COP1: variants seen among roughly 807,000 people sequenced by gnomAD.
COP1 encodes the protein E3 ubiquitin-protein ligase COP1.
COP1 carries 24 observed loss-of-function variants against 101.3 expected under a neutral mutation model. The ratio of observed to expected loss-of-function variants is 0.24; its 90% confidence interval spans 0.17 to 0.33. The LOEUF is 0.33. COP1 is among the 10% of genes least tolerant of loss of function. The pLI is 1.00. For missense variants in COP1, 663 were observed against 906.2 expected, an observed-to-expected ratio of 0.73 and a Z score of 3.45; for synonymous variants, 347 against 341.9, an observed-to-expected ratio of 1.01 and a Z score of -0.17.
At chr1:176,110,457 T>C (rs1685090078) in intron 9 of COP1, among the ~76,000 whole-genome samples, 1 of 152,168 alleles carries the variant, frequency 6.6e-6, no homozygotes, top group African/African-American at 2.4e-5. Flanking sequence ...CCTAGGAAGT[T>C]TTCCCAGGGA....
chr1:176,080,030 A>G (rs1388108887), intron 11 of COP1, among the ~76,000 whole-genome samples: 2 of 152,158 alleles, frequency 1.3e-5, no homozygotes, highest in East Asian at 3.8e-4. Flanking sequence ...ATAACTGGAA[A>G]AATCCCAATA....
intron 15 of COP1, among the ~76,000 whole-genome samples, chr1:175,991,055 G>C (rs1658311459): frequency 6.6e-6 from 1 of 151,972 alleles, no homozygotes; most frequent in Non-Finnish European, 1.5e-5. Flanking sequence ...TTCAATCAAA[G>C]CTCCAAATGC....
intron 2 of COP1, among the ~76,000 whole-genome samples, chr1:176,179,269 G>A (rs1229464687): frequency 4.7e-5 from 7 of 147,550 alleles, no homozygotes; most frequent in African/African-American, 1.0e-4. Context: ...CAGCCTGGGC[G>A]ACAAAGTGAG....
chr1:176,183,871 G>A (rs1055921849), intron 2 of COP1, among the ~76,000 whole-genome samples: 1 of 152,004 alleles, frequency 6.6e-6, no homozygotes, highest in African/African-American at 2.4e-5. Flanking sequence ...ACTTATTCGA[G>A]GTATCTAGAA....
intron 14 of COP1, among the ~76,000 whole-genome samples, chr1:176,029,493 A>T (rs947694357): frequency 2.0e-5 from 3 of 152,220 alleles, no homozygotes; most frequent in African/African-American, 7.2e-5. Context: ...TCAGTATATA[A>T]GTTGTCATCC....
chr1:175,960,153 A>G (rs1266009104), intron 18 of COP1, among the ~76,000 whole-genome samples: 3 of 152,206 alleles, frequency 2.0e-5, no homozygotes, highest in Non-Finnish European at 4.4e-5. Context: ...ATGGACCAGA[A>G]TTTATATACG....
At position 176,049,597 on chromosome 1, in the gene COP1, A is replaced by G. The variant is rs182656258; in HGVS notation, c.1278-3273T>C. On this transcript the variant is annotated intron_variant, in intron 11 of 19. Transcript: ENST00000367669. The stretch of plus-strand genomic sequence containing the variant: ...TCCCCCCCCTCAAACCACCTTTTTT[A>G]GTGGAAGAACTTCCACATCACTAAG... Among the ~76,000 whole-genome samples the G allele has an allele frequency of 4.7e-4, 71 of 152,228 alleles. 1 individual carries two copies. The East Asian group carries it at 0.012, about 25-fold the overall frequency.
intron 18 of COP1, among the ~76,000 whole-genome samples, chr1:175,965,616 T>C (rs1436108756): frequency 6.6e-6 from 1 of 151,114 alleles, no homozygotes; most frequent in Non-Finnish European, 1.5e-5. Flanking sequence ...TGAGATGGAG[T>C]CTCGCTCTGT....
chr1:176,134,260 G>C (rs1240252154), intron 8 of COP1, among the ~76,000 whole-genome samples: 3 of 151,992 alleles, frequency 2.0e-5, no homozygotes, highest in Admixed American at 1.3e-4. Context: ...ATCCTAAACA[G>C]AGAGTGGATT....
chr1:176,176,142 A>C, intron 2 of COP1, 135 bp from the exon 3 acceptor site: 3 of 551,066 alleles, frequency 5.4e-6, no homozygotes, highest in South Asian at 2.6e-5. Flanking sequence ...TTTTGCTTAT[A>C]TTTTTACATT....
chr1:176,065,731 G>A (rs557618689), intron 11 of COP1, among the ~76,000 whole-genome samples: 8 of 140,106 alleles, frequency 5.7e-5, no homozygotes, highest in African/African-American at 1.1e-4. Context: ...TTTTTCAGAC[G>A]GAGTCTTGCT....
chr1:175,949,127 C>G (rs1048460288), intron 18 of COP1, among the ~76,000 whole-genome samples: 7 of 133,162 alleles, frequency 5.3e-5, no homozygotes, highest in African/African-American at 2.0e-4. Flanking sequence ...TGCACCACTG[C>G]ACTCCAGCCT....
In COP1 at chr1:176,206,720, A is replaced by T; in HGVS notation, c.259T>A (p.Ser87Thr). 1 of 1,591,190 alleles carries T rather than the reference A, an allele frequency of 6.3e-7. No individual in the cohort carries two copies. The highest frequency in any genetic ancestry group is 2.3e-5 in the East Asian group (1 of 44,272). The change falls in exon 1 of 20, where the codon TCC (serine) becomes ACC (threonine). Residue 87 changes from serine (S) to threonine (T), a missense_variant. Around this residue, in one of 4 missense-constraint regions of COP1, gnomAD observed 204 missense variants for 203.6 expected, o/e 1.00. Coordinates refer to ENST00000367669, the MANE Select transcript of COP1 (RefSeq NM_022457.7). ...SGGGAVSTGL[S>T]RHSCAARPSA... is the part of the protein sequence containing the mutation. ...GGCCTGGCCGCGCAGCTGTGCCGGG[A>T]CAGGCCCGTGGACACCGCCCCGCCG...
intron 9 of COP1, among the ~76,000 whole-genome samples, chr1:176,105,446 A>G (rs556282813): frequency 7.2e-4 from 109 of 152,316 alleles, no homozygotes; most frequent in African/African-American, 2.6e-3. Flanking sequence ...GGAATTTCAA[A>G]GAAATATCTC....
intron 15 of COP1, among the ~76,000 whole-genome samples, chr1:175,990,712 C>T (rs1284715916): frequency 6.6e-6 from 1 of 151,984 alleles, no homozygotes; most frequent in Non-Finnish European, 1.5e-5. Flanking sequence ...GATTCTTTTA[C>T]CATTATAAAA....
chr1:176,024,991 C>A (rs917706268), intron 15 of COP1, among the ~76,000 whole-genome samples: 2 of 151,920 alleles, frequency 1.3e-5, no homozygotes, highest in African/African-American at 4.8e-5. Flanking sequence ...TTTAAAATTA[C>A]CAATTAAATA....
chr1:175,990,882 T>A (rs1415533458), intron 15 of COP1, among the ~76,000 whole-genome samples: 1 of 151,938 alleles, frequency 6.6e-6, no homozygotes, highest in East Asian at 1.9e-4. Context: ...CTATCTCTTG[T>A]AGACAGCATA....
At chr1:176,196,769 G>C (rs1699737192) in intron 1 of COP1, among the ~76,000 whole-genome samples, 1 of 152,200 alleles carries the variant, frequency 6.6e-6, no homozygotes, top group Non-Finnish European at 1.5e-5. Context: ...GCCAGGCACA[G>C]TGGTTCATGC....
At chr1:176,058,522 T>C (rs936012367) in intron 11 of COP1, among the ~76,000 whole-genome samples, 3 of 152,146 alleles carry the variant, frequency 2.0e-5, no homozygotes, top group Non-Finnish European at 4.4e-5. Context: ...TTAAGGGCGG[T>C]GCAAGATGTG....
Sources: allele counts gnomAD v4.1 joint callset (sites outside exome capture counted in the v4.1 genomes callset), GRCh38; gene constraint gnomAD v4.1.1; regional missense constraint gnomAD v4.1.1; transcripts MANE v1.5; gene names NCBI Gene and HGNC (gene_info 2026-07-23, HGNC 2026-07-21).